Variants in OR1J2 observed in about 807,000 individuals in gnomAD.
The protein encoded by OR1J2 is olfactory receptor family 1 subfamily J member 2.
For missense variants in OR1J2, 304 were observed against 246.1 expected (o/e 1.24, Z -1.57); for synonymous variants, 142 against 99.7 (o/e 1.42, Z -2.52).
chr9:122,509,404 G>A (rs184113664), upstream of OR1J2, among the ~76,000 whole-genome samples: 2 of 152,280 alleles, frequency 1.3e-5, no homozygotes, highest in Admixed American at 1.3e-4. Flanking sequence ...GGGAGGAAAG[G>A]GAGACTGGAT....
At chr9:122,548,331 C>T in the OR1J2 span, among the ~76,000 whole-genome samples, 1 of 152,120 alleles carries the variant, frequency 6.6e-6, no homozygotes, top group African/African-American at 2.4e-5. Context: ...ATATACATTT[C>T]CCTTAATCTC....
the OR1J2 span, among the ~76,000 whole-genome samples, chr9:122,560,718 C>G: frequency 6.6e-6 from 1 of 152,162 alleles, no homozygotes; most frequent in Non-Finnish European, 1.5e-5. Context: ...ATGGGTTTCC[C>G]TTTGTAGGTG....
the OR1J2 span, chr9:122,568,200 A>G: frequency 6.2e-7 from 1 of 1,614,220 alleles, no homozygotes; most frequent in Non-Finnish European, 8.5e-7. Context: ...AGCATAGGAG[A>G]TGGTCTTCTT....
the OR1J2 span, among the ~76,000 whole-genome samples, chr9:122,479,616 G>A: frequency 6.6e-6 from 1 of 152,122 alleles, no homozygotes; most frequent in Non-Finnish European, 1.5e-5. Flanking sequence ...TCAGATATTA[G>A]CGAGGCTGTC....
the OR1J2 span, among the ~76,000 whole-genome samples, chr9:122,563,823 G>T: frequency 1.3e-5 from 2 of 152,074 alleles, no homozygotes; most frequent in Non-Finnish European, 2.9e-5. Flanking sequence ...TTATTCTTTT[G>T]CATACACATA....
chr9:122,471,075 G>A, the OR1J2 span, among the ~76,000 whole-genome samples: 1 of 152,290 alleles, frequency 6.6e-6, no homozygotes, highest in Middle Eastern at 3.4e-3. Context: ...GGGACTGTAG[G>A]GAAGACATGA....
At chr9:122,514,908 A>G (rs1828678451), downstream of OR1J2, among the ~76,000 whole-genome samples, 1 of 152,156 alleles carries the variant, frequency 6.6e-6, no homozygotes, top group African/African-American at 2.4e-5. Context: ...CCCAGATCTC[A>G]TGAATGAATA....
At chr9:122,452,954 G>C in the OR1J2 span, among the ~76,000 whole-genome samples, 340 of 151,296 alleles carry the variant, frequency 2.2e-3, 2 homozygotes, top group African/African-American at 8.0e-3. Flanking sequence ...CTTGAACCCG[G>C]GAGGCAGAGG....
At chr9:122,529,735 G>A in the OR1J2 span, among the ~76,000 whole-genome samples, 1 of 149,284 alleles carries the variant, frequency 6.7e-6, no homozygotes, top group East Asian at 2.0e-4. Flanking sequence ...CCTTCCCTCT[G>A]TCATCCGAGG....
chr9:122,460,070 TC>T, the OR1J2 span, among the ~76,000 whole-genome samples: 1 of 152,056 alleles, frequency 6.6e-6, no homozygotes, highest in Non-Finnish European at 1.5e-5. Context: ...CCAAGTTACT[TC>T]AGTTAGAATA....
chr9:122,555,585 C>T, the OR1J2 span, among the ~76,000 whole-genome samples: 1 of 152,096 alleles, frequency 6.6e-6, no homozygotes, highest in African/African-American at 2.4e-5. Context: ...CTACACCATG[C>T]CATTTACAGT....
chr9:122,553,631 T>G, the OR1J2 span: 1 of 1,613,918 alleles, frequency 6.2e-7, no homozygotes, highest in Non-Finnish European at 8.5e-7. Context: ...CATCTATGAG[T>G]CCCCAGCTCT....
chr9:122,501,479 T>G, the OR1J2 span, among the ~76,000 whole-genome samples: 4 of 152,194 alleles, frequency 2.6e-5, no homozygotes, highest in African/African-American at 9.7e-5. Context: ...AGGGAACAGT[T>G]CCTCTCCTCA....
the OR1J2 span, among the ~76,000 whole-genome samples, chr9:122,501,922 A>G: frequency 6.6e-6 from 1 of 152,228 alleles, no homozygotes; most frequent in Non-Finnish European, 1.5e-5. Context: ...AGCTGATCCC[A>G]CTGAGAAAAC....
chr9:122,568,252 T>C, the OR1J2 span: 1 of 1,614,040 alleles, frequency 6.2e-7, no homozygotes, highest in Non-Finnish European at 8.5e-7. Flanking sequence ...ACAACGCTTG[T>C]TGTAAAGCAA....
the OR1J2 span, among the ~76,000 whole-genome samples, chr9:122,459,268 C>A: frequency 8.9e-4 from 136 of 152,178 alleles, no homozygotes; most frequent in South Asian, 8.3e-4. Flanking sequence ...GGATAGACAT[C>A]TTTTTGTCAT....
At chr9:122,498,440 T>C in the OR1J2 span, among the ~76,000 whole-genome samples, 1 of 152,338 alleles carries the variant, frequency 6.6e-6, no homozygotes, top group Non-Finnish European at 1.5e-5. Flanking sequence ...AAGCTTTCAC[T>C]TATGTTTTGA....
downstream of OR1J2, among the ~76,000 whole-genome samples, chr9:122,515,840 G>C (rs1171687355): frequency 6.6e-6 from 1 of 152,006 alleles, no homozygotes; most frequent in Admixed American, 6.5e-5. Context: ...GTAATCTGTA[G>C]TGTATTCTTA....
At chr9:122,532,391 T>C in the OR1J2 span, among the ~76,000 whole-genome samples, 1 of 151,994 alleles carries the variant, frequency 6.6e-6, no homozygotes, top group African/African-American at 2.4e-5. Flanking sequence ...CCGCCATCAA[T>C]AAACCAAGTG....
Sources: allele counts gnomAD v4.1 joint callset (sites outside exome capture counted in the v4.1 genomes callset), GRCh38; gene constraint gnomAD v4.1.1; transcripts MANE v1.5; gene names NCBI Gene and HGNC (gene_info 2026-07-23, HGNC 2026-07-21).